KHSRP: variants seen among roughly 807,000 people sequenced by gnomAD.
The protein encoded by KHSRP is KH-type splicing regulatory protein, also known as far upstream element-binding protein 2.
Under a neutral mutation model 94.9 loss-of-function variants are expected in KHSRP, and 13 were observed. The observed-to-expected ratio is 0.14, with a 90% CI of 0.09 to 0.22. The LOEUF (loss-of-function observed/expected upper bound fraction) is 0.22. Ranked by LOEUF, KHSRP falls within the 10% of genes least tolerant of loss-of-function variation. The pLI is 1.00. For missense variants in KHSRP, 710 were observed against 1,010.0 expected, an observed-to-expected ratio of 0.70 and a Z score of 4.03; for synonymous variants, 495 against 401.4, an observed-to-expected ratio of 1.23 and a Z score of -2.79.
intron 4 of KHSRP, 111 bp downstream of exon 4, chr19:6,421,167 G>C: frequency 6.1e-6 from 6 of 987,970 alleles, no homozygotes; most frequent in Non-Finnish European, 6.1e-6. Context: ...ACTGGCACTG[G>C]GGGATAAAAC....
At chr19:6,422,478 C>T in intron 1 of KHSRP, 42 bp from the exon 2 acceptor site, 1 of 1,469,580 alleles carries the variant, frequency 6.8e-7, no homozygotes, top group East Asian at 2.3e-5. Context: ...CCACCAAAAA[C>T]AACCCTCCAT....
Position 6,417,540 on chromosome 19 carries a change from G to A in KHSRP, c.1081+199C>T, listed in dbSNP as rs181107021. 7.9e-4 allele frequency among the ~76,000 whole-genome samples: 121 copies of A among 152,292 alleles called. 2 individuals carry two copies. The highest frequency in any genetic ancestry group is 2.4e-4 in the Non-Finnish European group (16 of 68,022). ...AGATCTGATAGGGATAGGAACACAC[G>A]TTCCCCCTGGATGTGGAAAGCCCTC... On this transcript the variant is annotated intron_variant, in intron 11 of 18. Coordinates refer to ENST00000600480, the MANE Select transcript of KHSRP (RefSeq NM_001366299.1).
In KHSRP at chr19:6,418,218, C is replaced by T. The variant is rs923944531; in HGVS notation, c.880-139G>A. On this transcript the variant is annotated intron_variant, in intron 9 of 18. Coordinates refer to ENST00000600480, the MANE Select transcript of KHSRP (RefSeq NM_001366299.1). The surrounding 1 kb of genome is among the most constrained non-coding windows in gnomAD (Gnocchi z 4.3). Reference sequence around the variant, plus strand: ...CACAGCACCCTACTGAGCTCTCTACCTGCCACTTTAATGGGGAGGCACTAC... The same window carrying T: ...CACAGCACCCTACTGAGCTCTCTACTTGCCACTTTAATGGGGAGGCACTAC... 1.9e-5 allele frequency: 14 copies of T among 731,466 alleles called. No individual in the cohort carries two copies. The highest frequency in any genetic ancestry group is 2.8e-5 in the Non-Finnish European group (12 of 427,086). 45.3% of individuals were successfully genotyped at this position (731,466 alleles called of 1,614,324 possible).
chr19:6,417,282 G>A (rs1004222905), intron 11 of KHSRP, among the ~76,000 whole-genome samples, 195 bp from the exon 12 acceptor site: 2 of 152,236 alleles, frequency 1.3e-5, no homozygotes, highest in Non-Finnish European at 2.9e-5. Context: ...CCACGGCCAA[G>A]CCAGGAGGTG....
At position 6,418,462 on chromosome 19, in the gene KHSRP, A is replaced by C. The variant is rs746619151; in HGVS notation, c.879+21T>G. On this transcript the variant is annotated intron_variant, in intron 9 of 18. Coordinates refer to ENST00000600480, the MANE Select transcript of KHSRP (RefSeq NM_001366299.1). The surrounding 1 kb of genome is among the most constrained non-coding windows in gnomAD (Gnocchi z 4.3). Reference sequence around the variant, plus strand: ...CCCGTGCCTCTCCAGAACCCCCTCCACCACCCCAGGGCGTGCTCACCTGCA... The same window carrying C: ...CCCGTGCCTCTCCAGAACCCCCTCCCCCACCCCAGGGCGTGCTCACCTGCA... 1 of 1,598,470 alleles carries C rather than the reference A, an allele frequency of 6.3e-7. No homozygotes were observed. Among genetic ancestry groups the C allele is most frequent in the Non-Finnish European group, 8.6e-7 (1 of 1,167,578 alleles).
chr19:6,424,744 AGGCGGCGGC>A lies in KHSRP; in HGVS notation c.-52_-44del, dbSNP rs757588744. 1.1e-4 allele frequency: 100 copies of A among 922,936 alleles called. No homozygotes were observed. The East Asian group carries it at 1.6e-3, about 14-fold the overall frequency. 57.2% of individuals were successfully genotyped at this position (922,936 alleles called of 1,614,324 possible). ...CCTGGCGCGGAGGCTGAAGCTGAGG[AGGCGGCGGC>A]GGCGGCGGCGGCTCAACGCGGGAAC... is the stretch of plus-strand genomic sequence containing the variant. On this transcript the variant is annotated 5_prime_UTR_variant, in exon 1 of 19. Transcript: ENST00000600480.
intron 7 of KHSRP, 22 bp downstream of exon 7, chr19:6,419,181 G>C: frequency 1.3e-6 from 2 of 1,569,434 alleles, no homozygotes; most frequent in Non-Finnish European, 8.6e-7. Context: ...ACATCACAAT[G>C]AGAGGCCCTG....
chr19:6,416,893 AGAG>A lies in KHSRP; in HGVS notation c.1183-14_1183-12del, dbSNP rs537659776. 8.6e-5 allele frequency: 139 copies of A among 1,611,636 alleles called. No individual in the cohort carries two copies. In the African/African-American group the frequency reaches 1.2e-3, roughly 14 times the overall value. On this transcript the variant is annotated splice_polypyrimidine_tract_variant and intron_variant, in intron 12 of 18. Transcript: ENST00000600480. ...ACCTGGGGGACCACTCTGCAAGACAAGAGGAGGAGGAGGATGATGAACCCTGGA... is the reference window on the plus strand; with the variant it reads ...ACCTGGGGGACCACTCTGCAAGACAAGAGGAGGAGGATGATGAACCCTGGA...
chr19:6,416,848 A>G lies in KHSRP; in HGVS notation c.1217T>C (p.Met406Thr). Residue 406 changes from methionine to threonine, a missense_variant, in exon 13 of 19, where the codon ATG (methionine) becomes ACG (threonine). Met to Thr is a moderately conservative substitution (Grantham distance 81, BLOSUM62 -1). Coordinates refer to ENST00000600480, the MANE Select transcript of KHSRP (RefSeq NM_001366299.1). ...TCCTCGGCCTCGGCCCCCCGGGGGC[A>G]TGCCTGGACCCCCTGGAGGACCTGG... is the stretch of plus-strand genomic sequence containing the variant. Reference protein sequence around the residue: ...GPPGPPGGPGMPPGGRGRGRG... With the variant: ...GPPGPPGGPGTPPGGRGRGRG... 6.2e-7 allele frequency: 1 copy of G among 1,600,620 alleles called. No homozygotes were observed. The highest frequency in any genetic ancestry group is 8.5e-7 in the Non-Finnish European group (1 of 1,173,848).
rs2092132998 is a variant in KHSRP at position 6,415,048 on chromosome 19, G to A, written c.2220C>T (p.Pro740=). The change falls in exon 19 of 19, where the codon CCC becomes CCT. Residue 740 remains proline (P), a synonymous_variant. Transcript: ENST00000600480. The stretch of plus-strand genomic sequence containing the variant: ...ATCAAGGGCACACCCCGCAGGGGAA[G>A]GGGTTTCCGGCGCTACCCACTAAGG... ...HPALVGSAGN[P]FPCGVCP is the part of the protein sequence containing the mutation. 6.5e-7 allele frequency: 1 copy of A among 1,543,802 alleles called. No individual in the cohort carries two copies. The highest frequency in any genetic ancestry group is 1.4e-5 in the African/African-American group (1 of 73,230).
In KHSRP at chr19:6,414,215, G is replaced by A. The variant is rs1475670094; in HGVS notation, c.*809C>T. 1.0e-5 allele frequency: 16 copies of A among 1,528,144 alleles called. No homozygotes were observed. Among genetic ancestry groups the A allele is most frequent in the Non-Finnish European group, 1.3e-5 (15 of 1,138,094 alleles). The allele number at this position is 1,528,144 out of a possible 1,614,324, so 94.7% of individuals were successfully genotyped here. On this transcript the variant is annotated 3_prime_UTR_variant, in exon 19 of 19. Transcript: ENST00000600480. ...AGAGGAGGGGCTGGAACACCGTGGG[G>A]GGGGCCAGGAAGCCCCCTCCCAAAC...
intron 11 of KHSRP, 28 bp from the exon 12 acceptor site, chr19:6,417,115 C>G (rs2145115953): frequency 2.6e-6 from 4 of 1,568,226 alleles, no homozygotes; most frequent in Non-Finnish European, 3.4e-6. Context: ...AGAGCAGAGA[C>G]ACAAGTTTAA....
chr19:6,417,150 G>C, intron 11 of KHSRP, 63 bp from the exon 12 acceptor site: 1 of 1,330,080 alleles, frequency 7.5e-7, no homozygotes, highest in Non-Finnish European at 1.0e-6. Flanking sequence ...CCAGAGCCCT[G>C]CAACGCCGCC....
At position 6,424,736 on chromosome 19, in the gene KHSRP, A is replaced by C; in HGVS notation, c.-35T>G. On this transcript the variant is annotated 5_prime_UTR_variant, in exon 1 of 19. Coordinates refer to ENST00000600480, the MANE Select transcript of KHSRP (RefSeq NM_001366299.1). ...GGGCCGGGCCTGGCGCGGAGGCTGA[A>C]GCTGAGGAGGCGGCGGCGGCGGCGG... 3.1e-6 allele frequency: 3 copies of C among 967,246 alleles called. No individual in the cohort carries two copies. The South Asian group carries it at 1.4e-4, about 45-fold the overall frequency. The allele number at this position is 967,246 out of a possible 1,614,324, so 59.9% of individuals were successfully genotyped here.
chr19:6,420,689 C>T lies in KHSRP; in HGVS notation c.426-218G>A, dbSNP rs967463839. Among the ~76,000 whole-genome samples the T allele has an allele frequency of 3.9e-5, 6 of 152,330 alleles. No homozygotes were observed. In the East Asian group the frequency reaches 7.7e-4, roughly 20 times the overall value. On this transcript the variant is annotated intron_variant, in intron 4 of 18. Coordinates refer to ENST00000600480, the MANE Select transcript of KHSRP (RefSeq NM_001366299.1). ...CTGGTGCCGTCCCATTGATTCAGGG[C>T]GAGAGGGAGCACTGAGTAGCAAGCT...
At chr19:6,417,486 A>G (rs1312665096) in intron 11 of KHSRP, among the ~76,000 whole-genome samples, 1 of 152,180 alleles carries the variant, frequency 6.6e-6, no homozygotes, top group Non-Finnish European at 1.5e-5. Flanking sequence ...TCCTGTCAGG[A>G]TAGGCTCCAT....
At chr19:6,415,339 AG>A (rs971532419) in intron 18 of KHSRP, 38 bp from the exon 19 acceptor site, 2 of 1,612,892 alleles carry the variant, frequency 1.2e-6, no homozygotes, top group Non-Finnish European at 1.7e-6. Context: ...GCTGTGGGTG[AG>A]GGCTGCCCCT....
Position 6,418,558 on chromosome 19 carries a change from G to T in KHSRP, c.804C>A (p.Ile268=). Residue 268 remains isoleucine (I), a synonymous_variant, in exon 9 of 19, where the codon ATC becomes ATA. Coordinates refer to ENST00000600480, the MANE Select transcript of KHSRP (RefSeq NM_001366299.1). The surrounding 1 kb of genome is among the most constrained non-coding windows in gnomAD (Gnocchi z 4.3). ...QLQERAGVKM[I]LIQDGSQNTN... is the part of the protein sequence containing the mutation. ...TATTCTGAGATCCGTCCTGAATTAA[G>T]ATCATCTTCACTCCAGCGCGTTCCT... is the stretch of plus-strand genomic sequence containing the variant. 1 of 1,613,974 alleles carries T rather than the reference G, an allele frequency of 6.2e-7. No homozygotes were observed. Among genetic ancestry groups the T allele is most frequent in the Non-Finnish European group, 8.5e-7 (1 of 1,179,850 alleles).
Position 6,418,092 on chromosome 19 carries a change from A to G in KHSRP, c.880-13T>C. The G allele has an allele frequency of 6.2e-7, 1 of 1,612,518 alleles. No homozygotes were observed. On this transcript the variant is annotated splice_polypyrimidine_tract_variant and intron_variant, in intron 9 of 18. Transcript: ENST00000600480. This position sits in a 1 kb window ranked among gnomAD's most constrained non-coding sequence, Gnocchi z 4.3. Reference sequence around the variant, plus strand: ...TCTCACAGGCTTGCTGCAAACACACAGGAAGCAGCCCCCATGGGTGAGCCC... The same window carrying G: ...TCTCACAGGCTTGCTGCAAACACACGGGAAGCAGCCCCCATGGGTGAGCCC...
Sources: gnomAD v4.1 joint callset for allele counts (sites outside exome capture counted in the v4.1 genomes callset) on GRCh38, gnomAD v4.1.1 for gene constraint, Gnocchi (gnomAD v3.1) non-coding constraint, MANE v1.5 for transcripts, NCBI Gene and HGNC (gene_info 2026-07-23, HGNC 2026-07-21) for gene names.